PCDHGB2: variants seen among roughly 807,000 people sequenced by gnomAD.
PCDHGB2 encodes the protein protocadherin gamma-B2.
A neutral mutation model predicts 59.3 loss-of-function variants in PCDHGB2; 55 were observed. The observed-to-expected ratio is 0.93, with a 90% CI of 0.75 to 1.16. PCDHGB2 has a LOEUF of 1.16. PCDHGB2 is among the 50% of genes most tolerant of loss of function. The pLI is 0.00. For synonymous variants in PCDHGB2, 516 were observed against 512.0 expected (o/e 1.01, Z -0.11); for missense variants, 1,228 against 1,198.5 (o/e 1.02, Z -0.36).
rs758993148 is a variant in PCDHGB2 at position 141,430,863 on chromosome 5, T to C, written c.2422-63944T>C. On this transcript the variant is annotated intron_variant, in intron 1 of 3. Transcript: ENST00000522605. Reference sequence around the variant, plus strand: ...GGATGCACCCAGATACGCTATTCAGTTCCGGAAGAGCTGGAGAAAGGCTCT... The same window carrying C: ...GGATGCACCCAGATACGCTATTCAGCTCCGGAAGAGCTGGAGAAAGGCTCT... 8 of 1,594,990 alleles carry C rather than the reference T, an allele frequency of 5.0e-6. No individual in the cohort carries two copies. In the South Asian group the frequency reaches 8.0e-5, roughly 16 times the overall value.
rs774113255 is a variant in PCDHGB2 at position 141,405,285 on chromosome 5, C to T, written c.2421+42729C>T. 3.7e-6 allele frequency: 6 copies of T among 1,614,080 alleles called. No individual in the cohort carries two copies. The Admixed American group carries it at 1.0e-4, about 27-fold the overall frequency. On this transcript the variant is annotated intron_variant, in intron 1 of 3. Coordinates refer to ENST00000522605, the MANE Select transcript of PCDHGB2 (RefSeq NM_018923.3). ...TTCCCCCAGCCCAACTATGCAGACACACTCATCAGCCAGCAGAGCTGTGAG... is the reference window on the plus strand; with the variant it reads ...TTCCCCCAGCCCAACTATGCAGACATACTCATCAGCCAGCAGAGCTGTGAG...
intron 1 of PCDHGB2, among the ~76,000 whole-genome samples, chr5:141,381,616 A>G (rs187813287): frequency 6.6e-6 from 1 of 152,230 alleles, no homozygotes; most frequent in Non-Finnish European, 1.5e-5. Context: ...ACAGCCCAGT[A>G]GGATCTCTGC....
Position 141,432,830 on chromosome 5 carries a change from C to G in PCDHGB2, c.2422-61977C>G, listed in dbSNP as rs780093171. On this transcript the variant is annotated intron_variant, in intron 1 of 3. Coordinates refer to ENST00000522605, the MANE Select transcript of PCDHGB2 (RefSeq NM_018923.3). The surrounding 1 kb of genome is among the most constrained non-coding windows in gnomAD (Gnocchi z 6.0). ...TAACTCTGAAACCTCAGACCTCACT[C>G]TGTACCTGGTGGTAGCGGTGGCCGC... 4 of 1,614,208 alleles carry G rather than the reference C, an allele frequency of 2.5e-6. No individual in the cohort carries two copies. The highest frequency in any genetic ancestry group is 2.2e-5 in the East Asian group (1 of 44,874).
chr5:141,431,991 A>T lies in PCDHGB2; in HGVS notation c.2422-62816A>T, dbSNP rs1046547219. On this transcript the variant is annotated intron_variant, in intron 1 of 3. Transcript: ENST00000522605. The surrounding 1 kb of genome is among the most constrained non-coding windows in gnomAD (Gnocchi z 4.8). ...AGTTTAGTCACAGACATAGTCTTGG[A>T]TAGGGAACAGGTTCCTAGCTACAAC... is the stretch of plus-strand genomic sequence containing the variant. 5 of 1,614,100 alleles carry T rather than the reference A, an allele frequency of 3.1e-6. No individual in the cohort carries two copies. Among genetic ancestry groups the T allele is most frequent in the Non-Finnish European group, 3.4e-6 (4 of 1,180,050 alleles).
intron 1 of PCDHGB2, among the ~76,000 whole-genome samples, chr5:141,456,059 G>A (rs1200043527): frequency 1.3e-5 from 2 of 151,662 alleles, no homozygotes; most frequent in Non-Finnish European, 1.5e-5. Flanking sequence ...CACCACGTCC[G>A]GCTAATTTTT....
intron 1 of PCDHGB2, chr5:141,415,677 C>T (rs375781400): frequency 4.7e-6 from 7 of 1,499,248 alleles, no homozygotes; most frequent in Middle Eastern, 1.8e-4. Flanking sequence ...TTGAAGTTTG[C>T]GGCATGATGG....
chr5:141,484,883 G>GCC (rs1231530221), intron 1 of PCDHGB2: 2 of 352,506 alleles, frequency 5.7e-6, no homozygotes, highest in Admixed American at 9.0e-5. Flanking sequence ...GATAGGGTGG[G>GCC]CTTTTTCCCC....
chr5:141,427,046 C>G (rs916723344), intron 1 of PCDHGB2: 2 of 457,362 alleles, frequency 4.4e-6, no homozygotes, highest in Admixed American at 4.7e-5. Context: ...AGAATGTGCC[C>G]CCAGGCACCT....
chr5:141,432,589 G>T lies in PCDHGB2; in HGVS notation c.2422-62218G>T. ...CCTGGCTGTCCTACCGTCTGCTCAA[G>T]GCCAGCGAGCCGGGACTCTTCTCGG... On this transcript the variant is annotated intron_variant, in intron 1 of 3. Transcript: ENST00000522605. The surrounding 1 kb of genome is among the most constrained non-coding windows in gnomAD (Gnocchi z 6.0). 1 of 1,613,916 alleles carries T rather than the reference G, an allele frequency of 6.2e-7. No individual in the cohort carries two copies. Among genetic ancestry groups the T allele is most frequent in the Non-Finnish European group, 8.5e-7 (1 of 1,179,974 alleles).
At chr5:141,441,757 G>A (rs1423867327) in intron 1 of PCDHGB2, 2 of 381,638 alleles carry the variant, frequency 5.2e-6, no homozygotes, top group Middle Eastern at 6.5e-4. Context: ...GTCAACGTGA[G>A]CCTGCGCGTG....
In PCDHGB2 at chr5:141,364,605, G is replaced by A. The variant is rs1380468665; in HGVS notation, c.2421+2049G>A. On this transcript the variant is annotated intron_variant, in intron 1 of 3. Coordinates refer to ENST00000522605, the MANE Select transcript of PCDHGB2 (RefSeq NM_018923.3). Reference sequence around the variant, plus strand: ...TTGGTCACCGCGGGCAGGATAGACCGGGAGGAGCTCTGCGCTCAGAGCCCA... The same window carrying A: ...TTGGTCACCGCGGGCAGGATAGACCAGGAGGAGCTCTGCGCTCAGAGCCCA... 6 of 1,614,186 alleles carry A rather than the reference G, an allele frequency of 3.7e-6. No individual in the cohort carries two copies. Among genetic ancestry groups the A allele is most frequent in the Middle Eastern group, 1.6e-4 (1 of 6,062 alleles).
rs372326132 is a variant in PCDHGB2 at position 141,486,185 on chromosome 5, G to A, written c.2422-8622G>A. On this transcript the variant is annotated intron_variant, in intron 1 of 3. Coordinates refer to ENST00000522605, the MANE Select transcript of PCDHGB2 (RefSeq NM_018923.3). The surrounding 1 kb of genome is among the most constrained non-coding windows in gnomAD (Gnocchi z 5.0). ...CATGGAGCAACATTGCAGCCTTCGAGTGGATCTGCTGGACGTAAATGACAA... is the reference window on the plus strand; with the variant it reads ...CATGGAGCAACATTGCAGCCTTCGAATGGATCTGCTGGACGTAAATGACAA... 42 of 1,614,108 alleles carry A rather than the reference G, an allele frequency of 2.6e-5. No homozygotes were observed. The highest frequency in any genetic ancestry group is 3.4e-5 in the Non-Finnish European group (40 of 1,180,048).
intron 1 of PCDHGB2, chr5:141,374,063 G>A (rs1770069063): frequency 6.7e-7 from 1 of 1,495,954 alleles, no homozygotes; most frequent in South Asian, 1.4e-5. Context: ...TAATCCCAGA[G>A]AAGTTCCTAA....
intron 1 of PCDHGB2, chr5:141,374,277 G>C: frequency 1.2e-6 from 2 of 1,613,958 alleles, no homozygotes; most frequent in African/African-American, 1.3e-5. Context: ...CACGGAGTCC[G>C]CATCGTCTCC....
chr5:141,408,298 G>T (rs778209794), intron 1 of PCDHGB2: 1 of 1,613,704 alleles, frequency 6.2e-7, no homozygotes, highest in South Asian at 1.1e-5. Context: ...TGAGTGAGCC[G>T]ATCCGCTACT....
At chr5:141,402,807 T>TA in intron 1 of PCDHGB2, 1 of 1,165,464 alleles carries the variant, frequency 8.6e-7, no homozygotes, top group Non-Finnish European at 1.2e-6. Flanking sequence ...ACCCGGCAGA[T>TA]ACCACAAACC....
chr5:141,466,468 T>C (rs1266315455), intron 1 of PCDHGB2, among the ~76,000 whole-genome samples: 1 of 152,368 alleles, frequency 6.6e-6, no homozygotes, highest in East Asian at 1.9e-4. Flanking sequence ...TTGTTTCTGC[T>C]GTTAATTGTA....
At position 141,409,348 on chromosome 5, in the gene PCDHGB2, C is replaced by T. The variant is rs115471135; in HGVS notation, c.2421+46792C>T. The T allele has an allele frequency of 4.7e-4, 755 of 1,614,018 alleles. 4 individuals carry two copies. The African/African-American group carries it at 8.3e-3, about 18-fold the overall frequency. On this transcript the variant is annotated intron_variant, in intron 1 of 3. Coordinates refer to ENST00000522605, the MANE Select transcript of PCDHGB2 (RefSeq NM_018923.3). Reference sequence around the variant, plus strand: ...TGGATTTCGGAGGAAATGGAGAAGTCAGGTGTAATATAGAAACAGACATTC... The same window carrying T: ...TGGATTTCGGAGGAAATGGAGAAGTTAGGTGTAATATAGAAACAGACATTC...
intron 1 of PCDHGB2, among the ~76,000 whole-genome samples, chr5:141,437,550 A>T (rs866913156): frequency 6.6e-6 from 1 of 152,192 alleles, no homozygotes; most frequent in African/African-American, 2.4e-5. Context: ...AGTTTTCTTT[A>T]TGACATGTAA....
Sources: allele counts gnomAD v4.1 joint callset (sites outside exome capture counted in the v4.1 genomes callset), GRCh38; gene constraint gnomAD v4.1.1; non-coding constraint Gnocchi (gnomAD v3.1); transcripts MANE v1.5; gene names NCBI Gene and HGNC (gene_info 2026-07-23, HGNC 2026-07-21).